Variants in DOCK3 observed in about 807,000 individuals in gnomAD.
DOCK3 encodes the protein dedicator of cytokinesis 3.
A neutral mutation model predicts 265.6 loss-of-function variants in DOCK3; 60 were observed. That is an observed-to-expected ratio of 0.23 (90% confidence interval 0.18 to 0.28). The LOEUF is 0.28. DOCK3 is among the 10% of genes least tolerant of loss of function. The probability of loss-of-function intolerance (pLI) is 1.00; values close to 1 mark genes in which losing one functional copy is unlikely to be tolerated. For synonymous variants in DOCK3, 881 were observed against 938.0 expected, an observed-to-expected ratio of 0.94 and a Z score of 1.11; for missense variants, 1,981 against 2,594.3, an observed-to-expected ratio of 0.76 and a Z score of 5.14.
intron 5 of DOCK3, among the ~76,000 whole-genome samples, chr3:50,940,242 A>C (rs2076250810): frequency 6.6e-6 from 1 of 150,622 alleles, no homozygotes; most frequent in East Asian, 2.0e-4. Context: ...GCTTGAGCCC[A>C]GGAGTTTGAG....
intron 22 of DOCK3, among the ~76,000 whole-genome samples, chr3:51,254,097 T>G (rs2079414131): frequency 6.6e-6 from 1 of 152,222 alleles, no homozygotes; most frequent in Admixed American, 6.5e-5. Flanking sequence ...GAAGAACATC[T>G]TTATTTCTGC....
intron 2 of DOCK3, among the ~76,000 whole-genome samples, chr3:50,811,710 G>A (rs1442484835): frequency 6.6e-6 from 1 of 151,940 alleles, no homozygotes; most frequent in Non-Finnish European, 1.5e-5. Context: ...TCATTAGGGG[G>A]TTATTACAGT....
intron 4 of DOCK3, among the ~76,000 whole-genome samples, chr3:50,914,474 T>C (rs1051966625): frequency 4.6e-5 from 7 of 152,152 alleles, no homozygotes; most frequent in African/African-American, 1.4e-4. Flanking sequence ...TTCTGAAACA[T>C]GTTGTTTAAT....
At chr3:51,366,526 G>A (rs1477897157) in intron 49 of DOCK3, among the ~76,000 whole-genome samples, 2 of 152,068 alleles carry the variant, frequency 1.3e-5, no homozygotes, top group Non-Finnish European at 2.9e-5. Flanking sequence ...CTTGCCTTCT[G>A]CTAGCTTTTG....
chr3:51,142,578 T>C (rs1246447092), intron 9 of DOCK3, among the ~76,000 whole-genome samples: 2 of 152,322 alleles, frequency 1.3e-5, no homozygotes, highest in African/African-American at 4.8e-5. Flanking sequence ...AGTTTGTTTT[T>C]TAAAATTGTG....
chr3:50,979,120 C>G, intron 5 of DOCK3, among the ~76,000 whole-genome samples: 1 of 152,172 alleles, frequency 6.6e-6, no homozygotes. Context: ...GCCGCTCACG[C>G]TGGGAGCTGT....
chr3:50,920,700 C>G, intron 4 of DOCK3, among the ~76,000 whole-genome samples: 1 of 152,148 alleles, frequency 6.6e-6, no homozygotes, highest in Non-Finnish European at 1.5e-5. Flanking sequence ...AGAAAACCAG[C>G]TCCTGTATTT....
chr3:50,741,447 G>A lies in DOCK3; in HGVS notation c.38-37228G>A, dbSNP rs1024803245. ...CCCTCCCCCCACCCCACAACAGTCC[G>A]CAGAGTGTGATGTTCCCCTCCCTGT... On this transcript the variant is annotated intron_variant, in intron 1 of 52. Transcript: ENST00000266037. Among the ~76,000 whole-genome samples, 181 of 104,054 alleles carry A rather than the reference G, an allele frequency of 1.7e-3. 2 individuals are homozygous for A. Among genetic ancestry groups the A allele is most frequent in the Middle Eastern group, 0.022 (2 of 92 alleles). 68.3% of individuals were successfully genotyped at this position (104,054 alleles called of 152,430 possible). A position where few individuals can be genotyped will look rare whatever the true frequency, so the allele number is the denominator to read the frequency against.
intron 4 of DOCK3, among the ~76,000 whole-genome samples, chr3:50,906,246 A>C (rs1268210618): frequency 6.6e-6 from 1 of 152,118 alleles, no homozygotes; most frequent in Non-Finnish European, 1.5e-5. Flanking sequence ...TGTCTCTGTC[A>C]GGCTTTGGTA....
chr3:50,767,374 G>A (rs947585939), intron 1 of DOCK3, among the ~76,000 whole-genome samples: 4 of 152,146 alleles, frequency 2.6e-5, no homozygotes, highest in African/African-American at 9.7e-5. Flanking sequence ...ATTAAATAGG[G>A]CATCCTTTCC....
At chr3:51,324,735 CCAAA>C (rs2083980212) in intron 32 of DOCK3, among the ~76,000 whole-genome samples, 1 of 152,104 alleles carries the variant, frequency 6.6e-6, no homozygotes, top group Non-Finnish European at 1.5e-5. Context: ...ACCAATGGAA[CCAAA>C]CAGAGGCCTC....
chr3:51,266,067 G>A (rs1044868248), intron 23 of DOCK3, among the ~76,000 whole-genome samples: 9 of 151,974 alleles, frequency 5.9e-5, no homozygotes, highest in East Asian at 1.9e-4. Flanking sequence ...ATGAGTGAAC[G>A]CCCCTTTACA....
chr3:51,176,117 A>G (rs1292052405), intron 12 of DOCK3, among the ~76,000 whole-genome samples: 1 of 152,222 alleles, frequency 6.6e-6, no homozygotes, highest in Non-Finnish European at 1.5e-5. Flanking sequence ...ATAATTCATT[A>G]AATAATGAGC....
chr3:51,089,181 G>T (rs999291924), intron 7 of DOCK3, 62 bp from the exon 8 acceptor site: 3 of 1,536,198 alleles, frequency 2.0e-6, no homozygotes, highest in African/African-American at 2.7e-5. Flanking sequence ...CATATAGAAA[G>T]TTCTTAATAA....
At chr3:50,685,764 C>G (rs987333719) in intron 1 of DOCK3, 1 of 217,918 alleles carries the variant, frequency 4.6e-6, no homozygotes, top group East Asian at 1.1e-4. Flanking sequence ...GCAAACAGCT[C>G]AAAGGAGACG....
chr3:50,734,147 T>A (rs1045113436), intron 1 of DOCK3, among the ~76,000 whole-genome samples: 13 of 152,222 alleles, frequency 8.5e-5, no homozygotes, highest in Admixed American at 7.2e-4. Flanking sequence ...TCTACCTATC[T>A]ACCTACCTAT....
intron 5 of DOCK3, among the ~76,000 whole-genome samples, chr3:51,046,447 G>C (rs1335043477): frequency 6.6e-6 from 1 of 152,162 alleles, no homozygotes; most frequent in Non-Finnish European, 1.5e-5. Context: ...CTAGCTATAT[G>C]TGTATCAGAC....
intron 12 of DOCK3, among the ~76,000 whole-genome samples, chr3:51,192,663 A>G (rs1168562522): frequency 1.3e-5 from 2 of 152,104 alleles, no homozygotes; most frequent in Non-Finnish European, 2.9e-5. Context: ...ACAGGTTGAG[A>G]GAAGCTCCCA....
At chr3:51,323,335 T>G (rs1201741120) in intron 32 of DOCK3, among the ~76,000 whole-genome samples, 1 of 152,198 alleles carries the variant, frequency 6.6e-6, no homozygotes, top group Non-Finnish European at 1.5e-5. Context: ...GGACTTGAAC[T>G]CAGCTCGGAA....
Sources: allele counts gnomAD v4.1 joint callset (sites outside exome capture counted in the v4.1 genomes callset), GRCh38; gene constraint gnomAD v4.1.1; transcripts MANE v1.5; gene names NCBI Gene and HGNC (gene_info 2026-07-23, HGNC 2026-07-21).